Variants in SOX6 observed in about 807,000 individuals in gnomAD.
SOX6 encodes transcription factor SOX-6.
SOX6 carries 11 observed loss-of-function variants against 97.8 expected under a neutral mutation model. The ratio of observed to expected loss-of-function variants is 0.11; its 90% CI spans 0.07 to 0.19. The LOEUF is 0.19. Among genes scored for constraint, SOX6 ranks in the 10% least tolerant of loss-of-function variants. SOX6 has a pLI of 1.00. For missense variants in SOX6, 810 were observed against 1,039.5 expected (o/e 0.78, Z 3.04); for synonymous variants, 360 against 371.4 (o/e 0.97, Z 0.35).
chr11:16,016,948 C>T (rs1284993074), intron 12 of SOX6, among the ~76,000 whole-genome samples: 2 of 151,890 alleles, frequency 1.3e-5, no homozygotes, highest in East Asian at 1.9e-4. Flanking sequence ...ATGCATATTT[C>T]AAGTATCTTT....
chr11:16,588,182 C>G (rs926151885), intron 4 of SOX6, among the ~76,000 whole-genome samples: 1 of 152,174 alleles, frequency 6.6e-6, no homozygotes, highest in African/African-American at 2.4e-5. Flanking sequence ...GCACAGTGGA[C>G]ATGGTGCTTG....
intron 12 of SOX6, chr11:16,031,364 A>G (rs1855367837): frequency 6.6e-6 from 1 of 152,232 alleles, no homozygotes; most frequent in African/African-American, 2.4e-5. Flanking sequence ...TTGCACAGCC[A>G]TTTAAATAAA....
chr11:16,046,329 G>A (rs909148834), intron 12 of SOX6, among the ~76,000 whole-genome samples, 185 bp downstream of exon 12: 1 of 152,148 alleles, frequency 6.6e-6, no homozygotes, highest in African/African-American at 2.4e-5. Context: ...GGGAAAGGGC[G>A]TATTTGTTAA....
At chr11:16,586,490 A>G (rs1422864914) in intron 4 of SOX6, among the ~76,000 whole-genome samples, 1 of 152,186 alleles carries the variant, frequency 6.6e-6, no homozygotes, top group Admixed American at 6.5e-5. Context: ...TTAGCAGGAG[A>G]AGAGCCTTAG....
At chr11:16,163,076 A>C (rs1850795276) in intron 6 of SOX6, among the ~76,000 whole-genome samples, 2 of 152,158 alleles carry the variant, frequency 1.3e-5, no homozygotes, top group Admixed American at 1.3e-4. Flanking sequence ...GGGGAAAAGA[A>C]AAATAAAAGG....
chr11:16,570,105 G>A (rs1847921622), intron 4 of SOX6, among the ~76,000 whole-genome samples: 1 of 152,058 alleles, frequency 6.6e-6, no homozygotes, highest in African/African-American at 2.4e-5. Context: ...CAATGGAAAA[G>A]TTTACTTACT....
chr11:16,501,059 A>G (rs1210025606), intron 4 of SOX6, among the ~76,000 whole-genome samples: 1 of 152,224 alleles, frequency 6.6e-6, no homozygotes, highest in African/African-American at 2.4e-5. Context: ...ACTTCAAACT[A>G]TACCACAAGG....
chr11:16,526,587 A>C (rs1861169710), intron 4 of SOX6, among the ~76,000 whole-genome samples: 1 of 152,092 alleles, frequency 6.6e-6, no homozygotes, highest in Non-Finnish European at 1.5e-5. Flanking sequence ...TACATATGTA[A>C]CTAACCTGCA....
intron 6 of SOX6, among the ~76,000 whole-genome samples, chr11:16,150,954 A>T (rs1453973968): frequency 6.6e-6 from 1 of 152,186 alleles, no homozygotes; most frequent in Non-Finnish European, 1.5e-5. Flanking sequence ...GAGTTGGGTC[A>T]CTGCTTCTTT....
chr11:16,243,472 ACTATTGTGTG>A (rs1853251272), intron 3 of SOX6, among the ~76,000 whole-genome samples: 1 of 151,948 alleles, frequency 6.6e-6, no homozygotes, highest in Non-Finnish European at 1.5e-5. Flanking sequence ...AAAGATCAAG[ACTATTGTGTG>A]TCAAGCAGCT....
At chr11:16,361,410 A>G (rs1857208706), upstream of SOX6, among the ~76,000 whole-genome samples, 1 of 152,176 alleles carries the variant, frequency 6.6e-6, no homozygotes, top group East Asian at 1.9e-4. Context: ...TGGAAAAGAT[A>G]GAAAGAAGAG....
chr11:16,272,935 G>A (rs186015978), intron 3 of SOX6, among the ~76,000 whole-genome samples: 340 of 151,870 alleles, frequency 2.2e-3, no homozygotes, highest in Admixed American at 4.8e-3. Flanking sequence ...TTTAAAATGG[G>A]ATTAATATTA....
intron 1 of SOX6, among the ~76,000 whole-genome samples, chr11:16,427,588 T>C (rs1859171820): frequency 6.6e-6 from 1 of 152,128 alleles, no homozygotes; most frequent in Non-Finnish European, 1.5e-5. Flanking sequence ...TGTTTGGTTT[T>C]TTGTCCTTGC....
chr11:16,582,477 T>TA (rs529275556), intron 4 of SOX6, among the ~76,000 whole-genome samples: 18 of 152,190 alleles, frequency 1.2e-4, no homozygotes, highest in Non-Finnish European at 2.4e-4. Context: ...CTATCTGGCA[T>TA]AAAAAATAAA....
At chr11:16,668,131 TG>T (rs1342743290) in intron 3 of SOX6, among the ~76,000 whole-genome samples, 1 of 152,160 alleles carries the variant, frequency 6.6e-6, no homozygotes, top group African/African-American at 2.4e-5. Context: ...CCCAGAACTT[TG>T]GGAGGTCAAG....
chr11:16,642,560 C>T (rs897399869), intron 3 of SOX6, among the ~76,000 whole-genome samples: 2 of 152,126 alleles, frequency 1.3e-5, no homozygotes, highest in African/African-American at 2.4e-5. Context: ...ACCAATCAGA[C>T]GTAGATTTGG....
intron 3 of SOX6, among the ~76,000 whole-genome samples, chr11:16,632,250 T>C (rs1275079497): frequency 3.3e-5 from 5 of 152,184 alleles, no homozygotes; most frequent in African/African-American, 1.2e-4. Flanking sequence ...GATTTTTTCT[T>C]TTTCTCTTTT....
At chr11:16,453,028 T>A (rs1007663072) in intron 1 of SOX6, among the ~76,000 whole-genome samples, 2 of 152,182 alleles carry the variant, frequency 1.3e-5, no homozygotes, top group African/African-American at 4.8e-5. Context: ...CTTACGTGTG[T>A]CACTGCTCTC....
chr11:16,054,725 C>T (rs1011066028), intron 10 of SOX6, among the ~76,000 whole-genome samples: 1 of 152,168 alleles, frequency 6.6e-6, no homozygotes, highest in Non-Finnish European at 1.5e-5. Flanking sequence ...TCTCCAAATG[C>T]AGTACTTTAA....
Sources: gnomAD v4.1 joint callset for allele counts (sites outside exome capture counted in the v4.1 genomes callset) on GRCh38, gnomAD v4.1.1 for gene constraint, MANE v1.5 for transcripts, NCBI Gene and HGNC (gene_info 2026-07-23, HGNC 2026-07-21) for gene names.